BRD10: variants seen among roughly 807,000 people sequenced by gnomAD.
The protein encoded by BRD10 is bromodomain containing 10, also known as uncharacterized bromodomain-containing protein 10.
At chr9:5,952,241 G>C in the BRD10 span, among the ~76,000 whole-genome samples, 4 of 151,806 alleles carry the variant, frequency 2.6e-5, no homozygotes, top group African/African-American at 9.7e-5. Context: ...GGCTGGTCTC[G>C]AACTCCTGAC....
the BRD10 span, among the ~76,000 whole-genome samples, chr9:5,927,829 C>G: frequency 1.3e-5 from 2 of 152,124 alleles, no homozygotes; most frequent in East Asian, 3.9e-4. Flanking sequence ...CTAATGCTCG[C>G]TTTTCTTTTC....
At chr9:5,903,713 G>C in the BRD10 span, among the ~76,000 whole-genome samples, 1 of 152,100 alleles carries the variant, frequency 6.6e-6, no homozygotes, top group Non-Finnish European at 1.5e-5. Context: ...GTGTTCTTAT[G>C]TCTTCTTGGA....
chr9:6,002,807 G>C, the BRD10 span, among the ~76,000 whole-genome samples: 2 of 151,724 alleles, frequency 1.3e-5, no homozygotes, highest in East Asian at 1.9e-4. Context: ...CTCCCAAGTA[G>C]CTGGGATTAC....
chr9:5,894,305 A>G, the BRD10 span, among the ~76,000 whole-genome samples: 2 of 152,270 alleles, frequency 1.3e-5, no homozygotes, highest in East Asian at 1.9e-4. The surrounding 1 kb of genome is among the most constrained non-coding windows in gnomAD (Gnocchi z 4.0). Flanking sequence ...AACCAACTAG[A>G]TGGTTCAACA....
chr9:5,950,725 G>C, the BRD10 span, among the ~76,000 whole-genome samples: 1 of 152,008 alleles, frequency 6.6e-6, no homozygotes, highest in Non-Finnish European at 1.5e-5. Context: ...GTATCCGTGG[G>C]GTACTGGTTC....
the BRD10 span, chr9:5,921,256 A>G: frequency 6.2e-7 from 1 of 1,613,932 alleles, no homozygotes. Flanking sequence ...CAATTGCTTG[A>G]CCTATGTTTA....
chr9:5,917,400 C>T, the BRD10 span, among the ~76,000 whole-genome samples: 3 of 152,128 alleles, frequency 2.0e-5, no homozygotes, highest in African/African-American at 2.4e-5. Context: ...AGAGGGAGAA[C>T]AGGTTGAAAT....
chr9:6,002,687 CT>C, the BRD10 span, among the ~76,000 whole-genome samples: 8,995 of 135,782 alleles, frequency 0.066, 282 homozygotes, highest in Middle Eastern at 0.086. Flanking sequence ...GGATGCTGTA[CT>C]TTTTTTTTTT....
chr9:5,920,861 G>A, the BRD10 span: 14 of 1,613,842 alleles, frequency 8.7e-6, no homozygotes, highest in African/African-American at 1.9e-4. Context: ...TGTTTTCACA[G>A]TTGATATAGC....
At chr9:5,957,876 A>T in the BRD10 span, among the ~76,000 whole-genome samples, 12 of 152,146 alleles carry the variant, frequency 7.9e-5, no homozygotes, top group African/African-American at 2.9e-4. Context: ...TTCAGGACAA[A>T]ATATATACAG....
the BRD10 span, among the ~76,000 whole-genome samples, chr9:5,914,517 G>A: frequency 7.2e-6 from 1 of 139,596 alleles, no homozygotes; most frequent in South Asian, 2.4e-4. Context: ...TCCGCCTCCC[G>A]GGTTCACGCC....
the BRD10 span, among the ~76,000 whole-genome samples, chr9:5,903,580 A>G: frequency 2.0e-5 from 3 of 152,148 alleles, no homozygotes; most frequent in African/African-American, 7.2e-5. Context: ...TCTGATAGAG[A>G]GATGTTGAAG....
chr9:5,963,801 G>C, the BRD10 span, among the ~76,000 whole-genome samples: 1 of 151,934 alleles, frequency 6.6e-6, no homozygotes, highest in Non-Finnish European at 1.5e-5. Flanking sequence ...ACAAGCAATG[G>C]GGAAAGGATT....
chr9:5,920,848 T>A, the BRD10 span: 1 of 1,613,996 alleles, frequency 6.2e-7, no homozygotes, highest in South Asian at 1.1e-5. Context: ...ATGCAAGGTG[T>A]CCTGTTTTCA....
At chr9:5,904,583 C>T in the BRD10 span, among the ~76,000 whole-genome samples, 1 of 152,014 alleles carries the variant, frequency 6.6e-6, no homozygotes, top group African/African-American at 2.4e-5. Context: ...AGTGATTCTC[C>T]TGTCTCAGCC....
chr9:5,990,797 T>C, the BRD10 span, among the ~76,000 whole-genome samples: 9 of 152,220 alleles, frequency 5.9e-5, no homozygotes, highest in African/African-American at 2.2e-4. Flanking sequence ...AAGTGTAAAC[T>C]GGCAGTCTTT....
chr9:5,922,796 T>G, the BRD10 span: 1 of 1,614,010 alleles, frequency 6.2e-7, no homozygotes, highest in East Asian at 2.2e-5. Flanking sequence ...ACAGGGCATT[T>G]TGTATACCAT....
chr9:5,946,293 G>C, the BRD10 span, among the ~76,000 whole-genome samples: 1 of 151,900 alleles, frequency 6.6e-6, no homozygotes, highest in African/African-American at 2.4e-5. Context: ...GACCAAGTAG[G>C]GAAAATATGT....
chr9:5,953,868 C>T, the BRD10 span: 2 of 617,362 alleles, frequency 3.2e-6, no homozygotes, highest in South Asian at 2.0e-5. Context: ...GTTACATCTG[C>T]ACTTGCAGGG....
Sources: gnomAD v4.1 joint callset for allele counts (sites outside exome capture counted in the v4.1 genomes callset) on GRCh38, gnomAD v4.1.1 for gene constraint, Gnocchi (gnomAD v3.1) non-coding constraint, MANE v1.5 for transcripts, NCBI Gene and HGNC (gene_info 2026-07-23, HGNC 2026-07-21) for gene names.